Variants in CGRRF1 observed in about 807,000 individuals in gnomAD.
CGRRF1 encodes cell growth regulator with RING finger domain protein 1.
CGRRF1 carries 32 observed loss-of-function variants against 37.2 expected under a neutral mutation model. The ratio of observed to expected loss-of-function variants is 0.86; its 90% CI spans 0.65 to 1.16. CGRRF1 has a LOEUF of 1.16. Ranked by LOEUF, CGRRF1 falls within the 50% of genes most tolerant of loss-of-function variation. CGRRF1 has a pLI of 0.00. For synonymous variants in CGRRF1, 141 were observed against 140.3 expected (o/e 1.00, Z -0.04); for missense variants, 391 against 382.6 (o/e 1.02, Z -0.18).
chr14:54,510,477 T>A (rs17127614), intron 1 of CGRRF1, among the ~76,000 whole-genome samples: 13,321 of 152,234 alleles, frequency 0.088, 658 homozygotes, highest in African/African-American at 0.11. Context: ...GACTGGACAG[T>A]AAGCGAGGTT....
At chr14:54,517,937 C>T (rs920377902) in intron 1 of CGRRF1, among the ~76,000 whole-genome samples, 5 of 152,192 alleles carry the variant, frequency 3.3e-5, no homozygotes, top group African/African-American at 1.2e-4. Context: ...ACGCATTTTC[C>T]TGCAAAGGAC....
intron 1 of CGRRF1, among the ~76,000 whole-genome samples, chr14:54,519,852 G>C (rs1234053505): frequency 6.6e-6 from 1 of 152,150 alleles, no homozygotes; most frequent in Non-Finnish European, 1.5e-5. Context: ...ATTACACAGT[G>C]AACACACATC....
chr14:54,512,608 T>C (rs944935551), intron 1 of CGRRF1, among the ~76,000 whole-genome samples: 13 of 152,202 alleles, frequency 8.5e-5, no homozygotes, highest in African/African-American at 1.7e-4. Context: ...TGACTGCCCA[T>C]TGGGCTTTGC....
At chr14:54,514,566 A>C (rs1194197440) in intron 1 of CGRRF1, among the ~76,000 whole-genome samples, 1 of 152,234 alleles carries the variant, frequency 6.6e-6, no homozygotes, top group African/African-American at 2.4e-5. Context: ...AGTACTCAAT[A>C]GTTATCTTTT....
chr14:54,533,854 G>A (rs548593607), intron 4 of CGRRF1, among the ~76,000 whole-genome samples: 2 of 151,934 alleles, frequency 1.3e-5, no homozygotes, highest in Admixed American at 6.6e-5. Context: ...ATTAGAAAGT[G>A]TAGATAAGCC....
intron 5 of CGRRF1, 41 bp from the exon 6 acceptor site, chr14:54,538,022 T>G: frequency 2.7e-6 from 4 of 1,481,896 alleles, no homozygotes; most frequent in Non-Finnish European, 1.8e-6. Flanking sequence ...AGAGTAATTG[T>G]TATTTATAAT....
chr14:54,520,476 A>AAC (rs1401445848), intron 1 of CGRRF1, among the ~76,000 whole-genome samples: 1 of 152,196 alleles, frequency 6.6e-6, no homozygotes, highest in Non-Finnish European at 1.5e-5. Context: ...AGTGTTATCA[A>AAC]ACACATCATC....
intron 2 of CGRRF1, among the ~76,000 whole-genome samples, chr14:54,527,353 C>A (rs1333532750): frequency 6.6e-6 from 1 of 151,984 alleles, no homozygotes; most frequent in East Asian, 1.9e-4. Flanking sequence ...AGAGATATAC[C>A]TAATGCTAAA....
chr14:54,513,076 CTG>C (rs1191369003), intron 1 of CGRRF1, among the ~76,000 whole-genome samples: 8 of 152,228 alleles, frequency 5.3e-5, no homozygotes, highest in Non-Finnish European at 8.8e-5. Context: ...TCCAATCTCT[CTG>C]TTAAAATAAC....
chr14:54,535,971 T>G (rs1294098144), intron 4 of CGRRF1: 2 of 152,226 alleles, frequency 1.3e-5, no homozygotes. Flanking sequence ...GTAGTCAAAC[T>G]GTGCCCACAG....
chr14:54,518,964 C>T (rs535507054), intron 1 of CGRRF1, among the ~76,000 whole-genome samples: 31 of 151,636 alleles, frequency 2.0e-4, no homozygotes, highest in East Asian at 7.7e-4. Flanking sequence ...TTGTTTGGGA[C>T]GGAGTTTCAC....
chr14:54,522,303 G>A (rs769547377), intron 1 of CGRRF1, 151 bp from the exon 2 acceptor site: 4 of 538,478 alleles, frequency 7.4e-6, no homozygotes, highest in Non-Finnish European at 1.2e-5. Context: ...GCAGTTCTGT[G>A]GGATCTCTAA....
At chr14:54,532,401 G>A (rs1172830747) in intron 4 of CGRRF1, among the ~76,000 whole-genome samples, 1 of 152,126 alleles carries the variant, frequency 6.6e-6, no homozygotes, top group Non-Finnish European at 1.5e-5. Flanking sequence ...TACATAAAAT[G>A]AACAGGTCTA....
chr14:54,530,671 A>C, intron 3 of CGRRF1: 1 of 842,856 alleles, frequency 1.2e-6, no homozygotes, highest in Non-Finnish European at 1.8e-6. Flanking sequence ...CATTTTTGGT[A>C]TACTAGAAGC....
chr14:54,539,203 A>G lies in CGRRF1; in HGVS notation c.*820A>G, dbSNP rs2032652247. The G allele has an allele frequency of 2.0e-5, 3 of 152,204 alleles. No individual in the cohort carries two copies. The highest frequency in any genetic ancestry group is 2.0e-4 in the Admixed American group (3 of 15,278). The allele number at this position is 152,204 out of a possible 1,614,324, so 9.4% of individuals were successfully genotyped here. A position where few individuals can be genotyped will look rare whatever the true frequency, so the allele number is the denominator to read the frequency against. ...CTGAGGTGGGAGGTGGAGGTTATAG[A>G]GCTAGAAAAATCACTAAAAGAAACA... On this transcript the variant is annotated 3_prime_UTR_variant, in exon 6 of 6. Coordinates refer to ENST00000216420, the MANE Select transcript of CGRRF1 (RefSeq NM_006568.3).
In CGRRF1 at chr14:54,537,795, T is replaced by G; in HGVS notation, c.644T>G (p.Leu215Ter). The G allele has an allele frequency of 6.2e-7, 1 of 1,602,936 alleles. No individual in the cohort carries two copies. Among genetic ancestry groups the G allele is most frequent in the South Asian group, 1.1e-5 (1 of 87,718 alleles). The change falls in exon 5 of 6, where the codon TTA (leucine) becomes TGA (stop). Residue 215 changes from leucine (L) to a stop codon, truncating the protein, a stop_gained. Transcript: ENST00000216420. LOFTEE classifies it high-confidence loss of function. ...KLSCRILYQYLLLAQGQFHDL... is the reference protein window; with the variant it reads ...KLSCRILYQY ...TCCTGCAGAATATTGTATCAATATT[T>G]ACTCTTGGCTCAAGGTCAATTTCAT...
chr14:54,531,015 T>TATCCATTGG lies in CGRRF1; in HGVS notation c.535_536insATCCATTGG (p.Leu179delinsTyrProLeuVal), dbSNP rs770093796. ...CTATCCATTGGTAGCGCTATTGACC[T>TATCCATTGG]TAGCTGATGAGGATGACCGGGAAAT... On this transcript the variant is annotated protein_altering_variant, in exon 4 of 6. Transcript: ENST00000216420. 1 of 1,611,512 alleles carries TATCCATTGG rather than the reference T, an allele frequency of 6.2e-7. No individual in the cohort carries two copies. Among genetic ancestry groups the TATCCATTGG allele is most frequent in the Non-Finnish European group, 8.5e-7 (1 of 1,178,966 alleles).
intron 2 of CGRRF1, among the ~76,000 whole-genome samples, chr14:54,527,400 A>ATG (rs754203780): frequency 1.3e-4 from 20 of 152,326 alleles, no homozygotes; most frequent in African/African-American, 4.8e-4. Flanking sequence ...AACATGGCAC[A>ATG]TGTATACATA....
intron 2 of CGRRF1, among the ~76,000 whole-genome samples, chr14:54,528,127 T>G (rs1399255861): frequency 6.6e-6 from 1 of 152,144 alleles, no homozygotes; most frequent in Admixed American, 6.6e-5. Context: ...TTTCTCTACC[T>G]TGCTTTTTTT....
Sources: allele counts gnomAD v4.1 joint callset (sites outside exome capture counted in the v4.1 genomes callset), GRCh38; gene constraint gnomAD v4.1.1; transcripts MANE v1.5; gene names NCBI Gene and HGNC (gene_info 2026-07-23, HGNC 2026-07-21).